The following RAF1 variants were observed in gnomAD, a reference collection of about 807,000 sequenced individuals.
RAF1 encodes RAF proto-oncogene serine/threonine-protein kinase.
RAF1 carries 27 observed loss-of-function variants against 81.1 expected under a neutral mutation model. The ratio of observed to expected loss-of-function variants is 0.33; its 90% CI spans 0.25 to 0.46. RAF1 has a LOEUF of 0.46. Ranked by LOEUF, RAF1 falls within the 20% of genes least tolerant of loss-of-function variation. The pLI is 1.00. For missense variants in RAF1, 598 were observed against 826.0 expected (o/e 0.72, Z 3.38); for synonymous variants, 298 against 294.0 (o/e 1.01, Z -0.14).
Position 12,587,569 on chromosome 3 carries a change from GAACTC to G in RAF1, c.1477+17_1477+21del, listed in dbSNP as rs1160889242. The G allele has an allele frequency of 1.3e-6, 2 of 1,596,254 alleles. No homozygotes were observed. The highest frequency in any genetic ancestry group is 1.7e-6 in the Non-Finnish European group (2 of 1,163,810). On this transcript the variant is annotated intron_variant, in intron 14 of 17. Coordinates refer to ENST00000442415, the MANE Select transcript of RAF1 (RefSeq NM_001354689.3). ...TAAATTTAGAACCGAGCAGTCAAATGAACTCAACAACCAAAGGATACTGTTGGATT... is the reference window on the plus strand; with the variant it reads ...TAAATTTAGAACCGAGCAGTCAAATGAACAACCAAAGGATACTGTTGGATT...
chr3:12,606,358 C>A, intron 5 of RAF1, 59 bp from the exon 6 acceptor site: 1 of 1,303,844 alleles, frequency 7.7e-7, no homozygotes. Context: ...CAGAGACAAT[C>A]AGCATGCCTT....
chr3:12,623,727 G>A (rs2059615934), intron 1 of RAF1, among the ~76,000 whole-genome samples: 1 of 148,580 alleles, frequency 6.7e-6, no homozygotes, highest in East Asian at 2.0e-4. Flanking sequence ...CTGGGAGGCG[G>A]AGCTTGCAGT....
intron 1 of RAF1, among the ~76,000 whole-genome samples, chr3:12,632,358 AT>A (rs1264604091): frequency 1.3e-5 from 2 of 150,692 alleles, no homozygotes; most frequent in East Asian, 3.9e-4. Flanking sequence ...GCTTGGGTGA[AT>A]TGTCAAAATA....
chr3:12,591,134 G>A lies in RAF1; in HGVS notation c.1254-160C>T, dbSNP rs907005500. On this transcript the variant is annotated intron_variant, in intron 12 of 17. Coordinates refer to ENST00000442415, the MANE Select transcript of RAF1 (RefSeq NM_001354689.3). ...AAACACATGGCACGGCTGATAACCC[G>A]GGTGGCATTCTGAGCAAAGAGAAGC... is the stretch of plus-strand genomic sequence containing the variant. Among the ~76,000 whole-genome samples the A allele has an allele frequency of 9.9e-5, 15 of 152,054 alleles. No homozygotes were observed. The South Asian group carries it at 2.7e-3, about 27-fold the overall frequency.
intron 11 of RAF1, among the ~76,000 whole-genome samples, chr3:12,597,211 A>T (rs1267652364): frequency 2.0e-5 from 3 of 152,204 alleles, no homozygotes; most frequent in Admixed American, 6.5e-5. Context: ...AAAACCTAGA[A>T]TCTTAAAAAC....
rs6764324 is a variant in RAF1, at chr3:12,601,597, A to T, written c.895-1182T>A. 7.1e-3 allele frequency among the ~76,000 whole-genome samples: 1,088 copies of T among 152,290 alleles called. 6 individuals are homozygous for T. Among genetic ancestry groups the T allele is most frequent in the African/African-American group, 0.025 (1,020 of 41,564 alleles). On this transcript the variant is annotated intron_variant, in intron 8 of 17. Coordinates refer to ENST00000442415, the MANE Select transcript of RAF1 (RefSeq NM_001354689.3). ...TATTCTCTTTGTGTAACTACAGTAT[A>T]GACAAGATACTTGTTCCACACAACT...
intron 1 of RAF1, among the ~76,000 whole-genome samples, chr3:12,624,127 T>C (rs1162652679): frequency 1.3e-5 from 2 of 152,114 alleles, no homozygotes; most frequent in Non-Finnish European, 2.9e-5. Context: ...GTGTTGGGAT[T>C]ACAGGTGTGA....
At chr3:12,653,275 T>G (rs1014253394) in intron 1 of RAF1, among the ~76,000 whole-genome samples, 1 of 151,032 alleles carries the variant, frequency 6.6e-6, no homozygotes, top group Admixed American at 6.6e-5. Flanking sequence ...GAGTGAGACT[T>G]TGCCTCAAAA....
Position 12,590,892 on chromosome 3 carries a change from C to G in RAF1, c.1336G>C (p.Gly446Arg), listed in dbSNP as rs1364764354. 6.2e-7 allele frequency: 1 copy of G among 1,613,180 alleles called. No individual in the cohort carries two copies. ...TGCAGGTGTTTGTAGAGGCTGCTGC[C>G]CTCGCACCACTGGGTCACAATTGCC... The change falls in exon 13 of 18, where the codon GGC becomes CGC. Residue 446 changes from glycine to arginine, a missense_variant. By Grantham distance (125) the Gly-to-Arg change is moderately radical. Coordinates refer to ENST00000442415, the MANE Select transcript of RAF1 (RefSeq NM_001354689.3).
intron 1 of RAF1, among the ~76,000 whole-genome samples, chr3:12,662,993 T>C (rs1309041391): frequency 6.6e-6 from 1 of 152,002 alleles, no homozygotes; most frequent in Non-Finnish European, 1.5e-5. Flanking sequence ...CGTTCACATC[T>C]CAAGGATACA....
At position 12,653,515 on chromosome 3, in the gene RAF1, C is replaced by A. The variant is rs367961441; in HGVS notation, c.-27+10298G>T. Among the ~76,000 whole-genome samples, 7 of 152,142 alleles carry A rather than the reference C, an allele frequency of 4.6e-5. 1 individual carries two copies. The highest frequency in any genetic ancestry group is 3.3e-4 in the Admixed American group (5 of 15,260). ...CATCTTAGCACTTTGGGAGGCCGAG[C>A]TGGTGGATTACTTGAGGTCAGGAGT... On this transcript the variant is annotated intron_variant, in intron 1 of 17. Coordinates refer to ENST00000442415, the MANE Select transcript of RAF1 (RefSeq NM_001354689.3).
intron 1 of RAF1, among the ~76,000 whole-genome samples, chr3:12,659,359 C>G (rs1000641316): frequency 7.6e-6 from 1 of 131,192 alleles, no homozygotes. Flanking sequence ...ACCTGGGAGA[C>G]GGAGGTTGTA....
At chr3:12,659,674 C>A (rs1040556604) in intron 1 of RAF1, among the ~76,000 whole-genome samples, 1 of 152,054 alleles carries the variant, frequency 6.6e-6, no homozygotes, top group Non-Finnish European at 1.5e-5. Context: ...GAAGAAATGA[C>A]TCCCAAGATC....
chr3:12,603,162 C>T (rs1444028236), intron 8 of RAF1, among the ~76,000 whole-genome samples: 1 of 152,176 alleles, frequency 6.6e-6, no homozygotes, highest in Non-Finnish European at 1.5e-5. Context: ...CAGCCTAGAA[C>T]TTCTGGGCTC....
rs141855511 is a variant in RAF1, at chr3:12,596,497, A to T, written c.1168+3194T>A. On this transcript the variant is annotated intron_variant, in intron 11 of 17. Transcript: ENST00000442415. ...GCATGAGCCACCGCACCCAGCCTTG[A>T]TGCCAAATTTAATGCCCAAAAGGAG... Among the ~76,000 whole-genome samples the T allele has an allele frequency of 5.3e-4, 81 of 152,230 alleles. 3 individuals carry two copies. Among genetic ancestry groups the T allele is most frequent in the African/African-American group, 1.6e-3 (68 of 41,546 alleles).
chr3:12,651,575 AGTGAGCTGAGATCGGTTGCC>A (rs1320884545), intron 1 of RAF1, among the ~76,000 whole-genome samples: 1 of 150,620 alleles, frequency 6.6e-6, no homozygotes, highest in Admixed American at 6.6e-5. Flanking sequence ...CGGGGGTTGC[AGTGAGCTGAGATCGGTTGCC>A]GTGAGCCGAG....
At chr3:12,635,336 A>C in intron 1 of RAF1, among the ~76,000 whole-genome samples, 1 of 145,616 alleles carries the variant, frequency 6.9e-6, no homozygotes, top group Non-Finnish European at 1.5e-5. Flanking sequence ...AAAAAAAAAA[A>C]AAAAAAAAAA....
rs766437069 is a variant in RAF1 at position 12,604,287 on chromosome 3, G to C, written c.683C>G (p.Ser228Cys). The change falls in exon 7 of 18, where the codon TCT becomes TGT. Residue 228 changes from serine to cysteine, a missense_variant and splice_region_variant. Ser to Cys is a moderately radical substitution (Grantham distance 112). Around this residue, in one of 5 missense-constraint regions of RAF1, gnomAD observed 194 missense variants for 202.7 expected, o/e 0.96. Transcript: ENST00000442415. ...GTGAGGTGTAGAATATCTGTGCTGAGAACTAGGAGGAGAAAGAAAATTCCA... is the reference window on the plus strand; with the variant it reads ...GTGAGGTGTAGAATATCTGTGCTGACAACTAGGAGGAGAAAGAAAATTCCA... 43 of 1,613,744 alleles carry C rather than the reference G, an allele frequency of 2.7e-5. No individual in the cohort carries two copies. The highest frequency in any genetic ancestry group is 3.6e-5 in the Non-Finnish European group (43 of 1,179,906).
At chr3:12,587,324 C>T (rs977884805) in intron 14 of RAF1, 13 of 519,532 alleles carry the variant, frequency 2.5e-5, no homozygotes, top group Admixed American at 2.0e-4. Context: ...TTCAAGCTTA[C>T]GGAAATCTCT....
Sources: allele counts gnomAD v4.1 joint callset (sites outside exome capture counted in the v4.1 genomes callset), GRCh38; gene constraint gnomAD v4.1.1; regional missense constraint gnomAD v4.1.1; transcripts MANE v1.5; gene names NCBI Gene and HGNC (gene_info 2026-07-23, HGNC 2026-07-21).